CDH22: variants seen among roughly 807,000 people sequenced by gnomAD.
CDH22 encodes the protein cadherin 22, also known as cadherin-22.
In CDH22, 30 loss-of-function variants were observed where a neutral mutation model predicts 58.4. The ratio of observed to expected loss-of-function variants is 0.51; its 90% confidence interval spans 0.38 to 0.70. The LOEUF (loss-of-function observed/expected upper bound fraction) is 0.70. CDH22 is among the 30% of genes least tolerant of loss of function. The probability of loss-of-function intolerance (pLI) is 0.00; values close to 1 mark genes in which losing one functional copy is unlikely to be tolerated. For missense variants in CDH22, 1,014 were observed against 1,233.9 expected (o/e 0.82, Z 2.67); for synonymous variants, 513 against 558.2 (o/e 0.92, Z 1.14).
chr20:46,244,918 C>T (rs536074412), intron 2 of CDH22, among the ~76,000 whole-genome samples: 34 of 152,332 alleles, frequency 2.2e-4, no homozygotes, highest in Admixed American at 1.7e-3. Flanking sequence ...GCTTTGGAGT[C>T]AGAAGCAGCT....
intron 3 of CDH22, among the ~76,000 whole-genome samples, chr20:46,231,221 A>C (rs2086219016): frequency 6.6e-6 from 1 of 152,182 alleles, no homozygotes; most frequent in Non-Finnish European, 1.5e-5. Context: ...GGGTTGCCCA[A>C]CTGATTCTTG....
chr20:46,277,849 C>A (rs1042394637), intron 1 of CDH22, among the ~76,000 whole-genome samples: 2 of 151,214 alleles, frequency 1.3e-5, no homozygotes, highest in Non-Finnish European at 2.9e-5. Flanking sequence ...GAAGCGAAGA[C>A]AACTTGATAA....
chr20:46,204,443 C>T (rs1230603155), intron 7 of CDH22, among the ~76,000 whole-genome samples: 1 of 150,158 alleles, frequency 6.7e-6, no homozygotes, highest in East Asian at 2.0e-4. Flanking sequence ...GATAGTAATA[C>T]CTACCTCACA....
At chr20:46,261,628 T>C (rs888736508) in intron 1 of CDH22, among the ~76,000 whole-genome samples, 1 of 152,134 alleles carries the variant, frequency 6.6e-6, no homozygotes. Context: ...GGGCTGCCAG[T>C]GGGAGCGGTG....
At position 46,274,714 on chromosome 20, in the gene CDH22, G is replaced by A. The variant is rs559585890; in HGVS notation, c.-399-23021C>T. Among the ~76,000 whole-genome samples, 20 of 83,776 alleles carry A rather than the reference G, an allele frequency of 2.4e-4. No homozygotes were observed. The South Asian group carries it at 6.3e-3, about 27-fold the overall frequency. The allele number at this position is 83,776 out of a possible 152,430, so 55.0% of individuals were successfully genotyped here. A position where few individuals can be genotyped will look rare whatever the true frequency, so the allele number is the denominator to read the frequency against. On this transcript the variant is annotated intron_variant, in intron 1 of 11. Coordinates refer to ENST00000537909, the MANE Select transcript of CDH22 (RefSeq NM_021248.3). Reference sequence around the variant, plus strand: ...ACCAGTGAATGGATAAGCAAATGTGGTATATCCAAACCAGAGGAGTACTAT... The same window carrying A: ...ACCAGTGAATGGATAAGCAAATGTGATATATCCAAACCAGAGGAGTACTAT...
intron 1 of CDH22, among the ~76,000 whole-genome samples, chr20:46,284,886 G>C (rs1208491449): frequency 6.6e-6 from 1 of 152,132 alleles, no homozygotes; most frequent in East Asian, 1.9e-4. Context: ...GAAAATGGGA[G>C]GGAAAGTCTG....
chr20:46,215,917 G>C (rs1421402146), intron 5 of CDH22, among the ~76,000 whole-genome samples: 1 of 152,196 alleles, frequency 6.6e-6, no homozygotes, highest in Admixed American at 6.5e-5. Flanking sequence ...AGGCTCCCTG[G>C]CACCGGGAAG....
chr20:46,195,618 C>G lies in CDH22; in HGVS notation c.1423+3805G>C, dbSNP rs1474986485. Among the ~76,000 whole-genome samples, 2 of 145,842 alleles carry G rather than the reference C, an allele frequency of 1.4e-5. 1 individual carries two copies. The highest frequency in any genetic ancestry group is 1.4e-4 in the Admixed American group (2 of 14,800). On this transcript the variant is annotated intron_variant, in intron 8 of 11. Coordinates refer to ENST00000537909, the MANE Select transcript of CDH22 (RefSeq NM_021248.3). ...GGTTTTCCAAGTCTCCCCTAGACCC[C>G]CCCCCCACCCAGTCTCTTTGAAGAC...
chr20:46,196,516 T>A (rs1006256777), intron 8 of CDH22, among the ~76,000 whole-genome samples: 1 of 152,210 alleles, frequency 6.6e-6, no homozygotes, highest in Non-Finnish European at 1.5e-5. Flanking sequence ...TCAAGTGATC[T>A]GACCCCTTTG....
At chr20:46,215,114 G>C (rs1262653272) in intron 5 of CDH22, among the ~76,000 whole-genome samples, 2 of 152,162 alleles carry the variant, frequency 1.3e-5, no homozygotes, top group African/African-American at 4.8e-5. Context: ...GGCTTTATTT[G>C]GTAAAGCTAA....
At chr20:46,274,139 C>A (rs1420485685) in intron 1 of CDH22, among the ~76,000 whole-genome samples, 2 of 152,204 alleles carry the variant, frequency 1.3e-5, no homozygotes, top group East Asian at 1.9e-4. Context: ...GAGGACTCTG[C>A]AGCTTCGAAC....
At chr20:46,291,492 C>A (rs1249452209) in intron 1 of CDH22, among the ~76,000 whole-genome samples, 1 of 152,166 alleles carries the variant, frequency 6.6e-6, no homozygotes, top group Non-Finnish European at 1.5e-5. Flanking sequence ...GCATAAGATC[C>A]CATAGCCCTG....
At chr20:46,211,337 G>T (rs955648805) in intron 6 of CDH22, among the ~76,000 whole-genome samples, 1 of 152,244 alleles carries the variant, frequency 6.6e-6, no homozygotes, top group Admixed American at 6.5e-5. Context: ...AGACTCACAG[G>T]CAGGTGCCTA....
intron 3 of CDH22, among the ~76,000 whole-genome samples, chr20:46,239,775 C>T (rs574614597): frequency 6.6e-6 from 1 of 152,240 alleles, no homozygotes; most frequent in Non-Finnish European, 1.5e-5. Flanking sequence ...TTGTGCCCCT[C>T]ACCCCATGAC....
intron 8 of CDH22, among the ~76,000 whole-genome samples, chr20:46,187,481 T>C (rs1348856186): frequency 1.3e-5 from 2 of 151,494 alleles, no homozygotes; most frequent in African/African-American, 4.9e-5. Flanking sequence ...ACCATTAGAA[T>C]TAGCACCACC....
At chr20:46,266,338 G>A (rs1055408579) in intron 1 of CDH22, among the ~76,000 whole-genome samples, 2 of 152,158 alleles carry the variant, frequency 1.3e-5, no homozygotes, top group Admixed American at 1.3e-4. Context: ...TGGGACCTGG[G>A]TCATTCAGGG....
intron 1 of CDH22, among the ~76,000 whole-genome samples, chr20:46,305,216 T>C (rs1167775775): frequency 6.6e-6 from 1 of 152,258 alleles, no homozygotes; most frequent in Non-Finnish European, 1.5e-5. Context: ...AGTCCTATCA[T>C]GCCCACTGCC....
chr20:46,252,799 T>G (rs938276989), intron 1 of CDH22, among the ~76,000 whole-genome samples: 67 of 152,252 alleles, frequency 4.4e-4, no homozygotes, highest in African/African-American at 1.4e-3. Flanking sequence ...AAATGCTAGG[T>G]GGCATATGAT....
At chr20:46,228,675 C>G (rs1158126567) in intron 3 of CDH22, among the ~76,000 whole-genome samples, 5 of 152,070 alleles carry the variant, frequency 3.3e-5, no homozygotes, top group African/African-American at 1.2e-4. Context: ...CTTGGGGGTT[C>G]AGGATACGAC....
Sources: gnomAD v4.1 joint callset for allele counts (sites outside exome capture counted in the v4.1 genomes callset) on GRCh38, gnomAD v4.1.1 for gene constraint, MANE v1.5 for transcripts, NCBI Gene and HGNC (gene_info 2026-07-23, HGNC 2026-07-21) for gene names.